The following DOCK2 variants were observed in gnomAD, a reference collection of about 807,000 sequenced individuals.
DOCK2 encodes the protein dedicator of cytokinesis protein 2.
Under a neutral mutation model 248.9 loss-of-function variants are expected in DOCK2, and 87 were observed. The ratio of observed to expected loss-of-function variants is 0.35; its 90% CI spans 0.29 to 0.42. The LOEUF (loss-of-function observed/expected upper bound fraction) is 0.42. Among genes scored for constraint, DOCK2 ranks in the 10% least tolerant of loss-of-function variants. The pLI, the probability that DOCK2 is intolerant of heterozygous loss-of-function variation, is 1.00. For missense variants in DOCK2, 1,747 were observed against 2,300.2 expected, an observed-to-expected ratio of 0.76 and a Z score of 4.92; for synonymous variants, 805 against 821.6, an observed-to-expected ratio of 0.98 and a Z score of 0.35.
intron 23 of DOCK2, among the ~76,000 whole-genome samples, chr5:169,749,795 C>T (rs1003758707): frequency 2.4e-4 from 37 of 152,152 alleles, no homozygotes; most frequent in African/African-American, 8.9e-4. Flanking sequence ...TTTCCCTTAC[C>T]CCCTCCTGGT....
At chr5:169,919,848 A>G (rs1306900625) in intron 27 of DOCK2, among the ~76,000 whole-genome samples, 3 of 152,248 alleles carry the variant, frequency 2.0e-5, no homozygotes, top group African/African-American at 7.2e-5. Context: ...ATGATGCTTT[A>G]AAGGTGGAAA....
At chr5:169,682,300 A>T (rs1759709267) in intron 7 of DOCK2, among the ~76,000 whole-genome samples, 1 of 152,254 alleles carries the variant, frequency 6.6e-6, no homozygotes, top group African/African-American at 2.4e-5. Flanking sequence ...TTGAGCTGAC[A>T]CCTGAATCAT....
chr5:169,760,004 T>C (rs1179793654), intron 24 of DOCK2, among the ~76,000 whole-genome samples: 1 of 152,182 alleles, frequency 6.6e-6, no homozygotes, highest in African/African-American at 2.4e-5. Flanking sequence ...TTTGATGATA[T>C]GAAAATTAAT....
intron 25 of DOCK2, among the ~76,000 whole-genome samples, chr5:169,795,948 T>C (rs1463986178): frequency 1.3e-5 from 2 of 151,886 alleles, no homozygotes; most frequent in Admixed American, 1.3e-4. Context: ...TTTCAGTCAA[T>C]AGGAACTTGG....
In DOCK2 at chr5:169,702,391, CAT is replaced by C. The variant is rs1761023588; in HGVS notation, c.1348_1349del (p.Met450ValfsTer12). On this transcript the variant is annotated frameshift_variant, in exon 14 of 52. Transcript: ENST00000520908. LOFTEE classifies it high-confidence loss of function. Reference sequence around the variant, plus strand: ...CCACACAGAGGAATGTGGAAGTCATCATGTGTGTGTGCGCGGAGGATGGCAAA... The same window carrying C: ...CCACACAGAGGAATGTGGAAGTCATCGTGTGTGTGCGCGGAGGATGGCAAA... The part of the protein sequence containing the change: ...KTTQRNVEVI[M>X]CVCAEDGKTL... 2 of 1,613,972 alleles carry C rather than the reference CAT, an allele frequency of 1.2e-6. No homozygotes were observed. The highest frequency in any genetic ancestry group is 1.7e-6 in the Non-Finnish European group (2 of 1,179,890).
chr5:169,955,582 G>C (rs1776832220), intron 27 of DOCK2, among the ~76,000 whole-genome samples: 1 of 152,154 alleles, frequency 6.6e-6, no homozygotes, highest in South Asian at 2.1e-4. Context: ...TGACCTTGTT[G>C]GTTCTTTCCA....
chr5:169,761,637 G>A lies in DOCK2; in HGVS notation c.2554+12G>A. 3 of 1,609,580 alleles carry A rather than the reference G, an allele frequency of 1.9e-6. No individual in the cohort carries two copies. The highest frequency in any genetic ancestry group is 4.5e-5 in the East Asian group (2 of 44,840). Reference sequence around the variant, plus strand: ...CTTTAAAAAGCAAGGTGAGTACACAGCACCCTTGCTGGGGTGGGGTAAGGG... The same window carrying A: ...CTTTAAAAAGCAAGGTGAGTACACAACACCCTTGCTGGGGTGGGGTAAGGG... On this transcript the variant is annotated intron_variant, in intron 25 of 51. Transcript: ENST00000520908.
intron 27 of DOCK2, among the ~76,000 whole-genome samples, chr5:169,891,997 A>C (rs1773320056): frequency 8.0e-6 from 1 of 124,630 alleles, no homozygotes; most frequent in African/African-American, 2.8e-5. Context: ...TTCCGTCCCA[A>C]AAAAAAAAAA....
At chr5:170,068,682 G>A (rs1757577606) in intron 45 of DOCK2, among the ~76,000 whole-genome samples, 1 of 152,214 alleles carries the variant, frequency 6.6e-6, no homozygotes, top group Admixed American at 6.5e-5. Flanking sequence ...GCCATGAGGT[G>A]AGCTGGAACA....
chr5:170,075,013 G>T (rs751043927), intron 46 of DOCK2, among the ~76,000 whole-genome samples: 2 of 152,162 alleles, frequency 1.3e-5, no homozygotes, highest in Non-Finnish European at 2.9e-5. Flanking sequence ...CACATATTGT[G>T]TGGCAGGTTT....
rs958989364 is a variant in DOCK2 at position 169,917,834 on chromosome 5, T to G, written c.2800-65234T>G. On this transcript the variant is annotated intron_variant, in intron 27 of 51. Coordinates refer to ENST00000520908, the MANE Select transcript of DOCK2 (RefSeq NM_004946.3). The stretch of plus-strand genomic sequence containing the variant: ...GATAAGACTGGTAATTAAGGAGGAG[T>G]TATTGTGCTAAAGCTGGTCTTCCCT... Among the ~76,000 whole-genome samples, 28 of 151,628 alleles carry G rather than the reference T, an allele frequency of 1.8e-4. No individual in the cohort carries two copies. In the Middle Eastern group the frequency reaches 0.01, roughly 56 times the overall value.
At chr5:169,881,340 A>G (rs1439877422) in intron 27 of DOCK2, 3 of 1,543,628 alleles carry the variant, frequency 1.9e-6, no homozygotes, top group African/African-American at 2.7e-5. Flanking sequence ...TATGGTCTAC[A>G]GAGCAGGCCT....
At chr5:169,935,919 C>G (rs1775971857) in intron 27 of DOCK2, among the ~76,000 whole-genome samples, 3 of 152,152 alleles carry the variant, frequency 2.0e-5, no homozygotes, top group African/African-American at 7.2e-5. Flanking sequence ...TCAGCTACAT[C>G]CTCAAATGGT....
At chr5:169,696,444 G>C (rs1172043100) in intron 10 of DOCK2, among the ~76,000 whole-genome samples, 1 of 152,150 alleles carries the variant, frequency 6.6e-6, no homozygotes, top group Non-Finnish European at 1.5e-5. Context: ...TTAAGCTTTA[G>C]CTCTCCTGGG....
At chr5:169,731,637 A>C (rs1218847613) in intron 22 of DOCK2, among the ~76,000 whole-genome samples, 1 of 151,980 alleles carries the variant, frequency 6.6e-6, no homozygotes, top group African/African-American at 2.4e-5. Flanking sequence ...GATTATTAGC[A>C]GTCATTGTGC....
At chr5:169,999,968 A>G (rs1455855657) in intron 30 of DOCK2, 1 of 152,218 alleles carries the variant, frequency 6.6e-6, no homozygotes, top group Non-Finnish European at 1.5e-5. Context: ...TCTGTAGGTG[A>G]CAAGAACTGG....
chr5:170,028,932 A>G (rs999835548), intron 34 of DOCK2, among the ~76,000 whole-genome samples: 1 of 152,194 alleles, frequency 6.6e-6, no homozygotes, highest in African/African-American at 2.4e-5. Flanking sequence ...TAATTAAAAT[A>G]TTTGGTACCA....
intron 27 of DOCK2, among the ~76,000 whole-genome samples, chr5:169,913,061 T>C (rs1050318002): frequency 2.0e-5 from 3 of 152,216 alleles, no homozygotes; most frequent in Non-Finnish European, 4.4e-5. Context: ...AAGCCTTCTT[T>C]CTAAATGCAT....
intron 22 of DOCK2, among the ~76,000 whole-genome samples, chr5:169,730,043 G>C (rs1762687526): frequency 1.3e-5 from 2 of 152,178 alleles, no homozygotes; most frequent in Admixed American, 6.5e-5. Context: ...TGCAGCCTCT[G>C]CCTCCTGGGT....
Sources: gnomAD v4.1 joint callset for allele counts (sites outside exome capture counted in the v4.1 genomes callset) on GRCh38, gnomAD v4.1.1 for gene constraint, MANE v1.5 for transcripts, NCBI Gene and HGNC (gene_info 2026-07-23, HGNC 2026-07-21) for gene names.